LRCH2: variants seen among roughly 807,000 people sequenced by gnomAD.
LRCH2 encodes leucine rich repeats and calponin homology domain containing 2, also known as leucine-rich repeat and calponin homology domain-containing protein 2.
LRCH2 carries 38 observed loss-of-function variants against 68.9 expected under a neutral mutation model. That is an observed-to-expected ratio of 0.55 (90% confidence interval 0.43 to 0.72). The LOEUF (loss-of-function observed/expected upper bound fraction) is 0.72. Among genes scored for constraint, LRCH2 ranks in the 30% least tolerant of loss-of-function variants. The probability of loss-of-function intolerance (pLI) is 0.00; values close to 1 mark genes in which losing one functional copy is unlikely to be tolerated. For synonymous variants in LRCH2, 191 were observed against 208.1 expected (o/e 0.92, Z 0.71); for missense variants, 528 against 572.9 (o/e 0.92, Z 0.80).
chrX:115,231,626 T>C (rs1000287337), intron 1 of LRCH2, among the ~76,000 whole-genome samples: 1 of 112,339 alleles, frequency 8.9e-6, no homozygotes, highest in Non-Finnish European at 1.9e-5. Context: ...TGAATGAATG[T>C]TTACCATGAA....
chrX:115,126,195 A>C (rs782213416), intron 16 of LRCH2: 1 of 111,911 alleles, frequency 8.9e-6, no homozygotes, highest in South Asian at 3.7e-4. Flanking sequence ...TTTTAAATTT[A>C]TCTCTTGTTG....
At chrX:115,185,293 T>C (rs1378440579) in intron 2 of LRCH2, among the ~76,000 whole-genome samples, 1 of 111,939 alleles carries the variant, frequency 8.9e-6, no homozygotes, top group Non-Finnish European at 1.9e-5. Flanking sequence ...GATCCCCATT[T>C]TGCAGATGAA....
Position 115,179,450 on chromosome X carries a change from G to T in LRCH2, c.841C>A (p.Pro281Thr). Residue 281 changes from proline (P) to threonine (T), a missense_variant, in exon 5 of 21, where the codon CCA becomes ACA. Pro to Thr is a conservative substitution (Grantham distance 38, BLOSUM62 -1). Transcript: ENST00000317135. The part of the protein sequence containing the change: ...HLQVIILDNN[P>T]LQVPPAQICL... Reference sequence around the variant, plus strand: ...ACCTGTGCTGGTGGTACTTGCAATGGATTGTTATCCAAAATTATTACTTGT... The same window carrying T: ...ACCTGTGCTGGTGGTACTTGCAATGTATTGTTATCCAAAATTATTACTTGT... The T allele has an allele frequency of 8.8e-7, 1 of 1,140,273 alleles. No homozygotes were observed. The highest frequency in any genetic ancestry group is 1.2e-6 in the Non-Finnish European group (1 of 860,834). 94.0% of individuals were successfully genotyped at this position (1,140,273 alleles called of 1,213,427 possible).
At chrX:115,127,643 T>TG (rs1270665453) in intron 15 of LRCH2, among the ~76,000 whole-genome samples, 2 of 110,394 alleles carry the variant, frequency 1.8e-5, no homozygotes, top group African/African-American at 6.6e-5. Flanking sequence ...AAGGGGCACT[T>TG]GGGGGGGATG....
At chrX:115,153,828 C>G (rs1400031312) in intron 12 of LRCH2, among the ~76,000 whole-genome samples, 1 of 109,661 alleles carries the variant, frequency 9.1e-6, no homozygotes, top group Non-Finnish European at 1.9e-5. Context: ...AAATATAATT[C>G]AAAAGACAAC....
intron 1 of LRCH2, chrX:115,192,315 C>T (rs868955350): frequency 6.9e-6 from 8 of 1,158,550 alleles, no homozygotes; most frequent in East Asian, 3.3e-5. Context: ...CCTCGCCTGA[C>T]GCCCACAGTG....
At chrX:115,157,051 C>T (rs1298773506) in intron 11 of LRCH2, among the ~76,000 whole-genome samples, 1 of 110,702 alleles carries the variant, frequency 9.0e-6, no homozygotes, top group East Asian at 2.8e-4. Flanking sequence ...GTTATTTTGC[C>T]AAATGAAAAA....
intron 1 of LRCH2, among the ~76,000 whole-genome samples, chrX:115,226,145 G>A (rs1455550514): frequency 9.0e-6 from 1 of 111,172 alleles, no homozygotes; most frequent in African/African-American, 3.3e-5. Context: ...GAGGAGGGGG[G>A]AATGAAAATG....
At chrX:115,206,042 A>T (rs1275822977) in intron 1 of LRCH2, among the ~76,000 whole-genome samples, 4 of 112,030 alleles carry the variant, frequency 3.6e-5, no homozygotes, top group Non-Finnish European at 5.6e-5. Flanking sequence ...AGAATAATTT[A>T]ATGATTTAAA....
chrX:115,150,118 C>A, intron 12 of LRCH2, 48 bp from the exon 13 acceptor site: 1 of 883,474 alleles, frequency 1.1e-6, no homozygotes, highest in Non-Finnish European at 1.5e-6. Flanking sequence ...TAGAATAAAT[C>A]CTTAAATATA....
rs782576147 is a variant in LRCH2, at chrX:115,191,473, G to A, written c.350-3103C>T. Reference sequence around the variant, plus strand: ...CGAGGAGTACCGAGGCCGCTTGCTCGATGCCAACAGTGGAGGCCGCTCGCC... The same window carrying A: ...CGAGGAGTACCGAGGCCGCTTGCTCAATGCCAACAGTGGAGGCCGCTCGCC... On this transcript the variant is annotated intron_variant, in intron 1 of 20. Transcript: ENST00000317135. The A allele has an allele frequency of 1.6e-5, 18 of 1,152,637 alleles. No homozygotes were observed. In the East Asian group the frequency reaches 1.7e-4, roughly 11 times the overall value. 95.0% of individuals were successfully genotyped at this position (1,152,637 alleles called of 1,213,427 possible). A position where few individuals can be genotyped will look rare whatever the true frequency, so the allele number is the denominator to read the frequency against.
chrX:115,195,375 A>C (rs2147337783), intron 1 of LRCH2, among the ~76,000 whole-genome samples: 1 of 108,984 alleles, frequency 9.2e-6, no homozygotes, highest in South Asian at 4.0e-4. Flanking sequence ...GTATTGAATT[A>C]GAGAGATCAA....
chrX:115,132,070 T>C (rs1556530397), intron 14 of LRCH2, among the ~76,000 whole-genome samples: 1 of 111,882 alleles, frequency 8.9e-6, no homozygotes, highest in Non-Finnish European at 1.9e-5. Context: ...TTTTTGGCTG[T>C]GCAGAAGCTC....
intron 1 of LRCH2, among the ~76,000 whole-genome samples, chrX:115,205,265 G>C (rs2072957516): frequency 8.9e-6 from 1 of 111,992 alleles, no homozygotes; most frequent in South Asian, 3.7e-4. Flanking sequence ...AATTCAATAT[G>C]AGATTTGGGT....
rs1188478039 is a variant in LRCH2, at chrX:115,123,140, T to C, written c.1902A>G (p.Thr634=). ...GTAAATGTTCCATCTTTCTTCTCAT[T>C]GTAAATCCTGGATCTGCTGCCCCAT... The part of the protein sequence containing the change: ...QEYGAADPGF[T]MRRKMEHLRE... Residue 634 remains threonine, a synonymous_variant, in exon 18 of 21, where the codon ACA becomes ACG. Transcript: ENST00000317135. 3 of 1,208,780 alleles carry C rather than the reference T, an allele frequency of 2.5e-6. No homozygotes were observed. In the African/African-American group the frequency reaches 5.3e-5, roughly 21 times the overall value.
At chrX:115,211,800 T>G in intron 1 of LRCH2, among the ~76,000 whole-genome samples, 1 of 111,552 alleles carries the variant, frequency 9.0e-6, no homozygotes, top group Non-Finnish European at 1.9e-5. Flanking sequence ...AGGCAGAATG[T>G]AAATCTTACT....
chrX:115,186,431 T>G (rs782716429), intron 2 of LRCH2, among the ~76,000 whole-genome samples: 39 of 111,259 alleles, frequency 3.5e-4, no homozygotes, highest in Non-Finnish European at 6.4e-4. Context: ...GGCAAATAAA[T>G]TATTAATTGT....
chrX:115,185,027 G>C (rs995661326), intron 2 of LRCH2, among the ~76,000 whole-genome samples: 156 of 112,313 alleles, frequency 1.4e-3, no homozygotes, highest in African/African-American at 4.7e-3. Flanking sequence ...GTTTATAAAA[G>C]AGTGAATAGG....
At chrX:115,137,922 C>T (rs2072303247) in intron 14 of LRCH2, among the ~76,000 whole-genome samples, 1 of 110,235 alleles carries the variant, frequency 9.1e-6, no homozygotes, top group Non-Finnish European at 1.9e-5. Flanking sequence ...GCACCCCAGC[C>T]TGGGTGACAC....
Sources: allele counts gnomAD v4.1 joint callset (sites outside exome capture counted in the v4.1 genomes callset), GRCh38; gene constraint gnomAD v4.1.1; transcripts MANE v1.5; gene names NCBI Gene and HGNC (gene_info 2026-07-23, HGNC 2026-07-21).